The following AIM2 variants were observed in gnomAD, a reference collection of about 807,000 sequenced individuals.
AIM2 encodes absent in melanoma 2.
A neutral mutation model predicts 27.7 loss-of-function variants in AIM2; 30 were observed. The observed-to-expected ratio is 1.08, with a 90% CI of 0.81 to 1.47. The LOEUF is 1.47. Ranked by LOEUF, AIM2 falls within the 40% of genes most tolerant of loss-of-function variation. The pLI is 0.00. For missense variants in AIM2, 358 were observed against 411.3 expected, an observed-to-expected ratio of 0.87 and a Z score of 1.12; for synonymous variants, 141 against 145.3, an observed-to-expected ratio of 0.97 and a Z score of 0.21.
intron 1 of AIM2, among the ~76,000 whole-genome samples, chr1:159,108,796 C>G (rs1570968926): frequency 6.6e-6 from 1 of 152,052 alleles, no homozygotes; most frequent in South Asian, 2.1e-4. Context: ...TTTACAACAG[C>G]TGCAAAATAA....
At chr1:159,071,692 T>C (rs1023557759) in intron 2 of AIM2, among the ~76,000 whole-genome samples, 5 of 152,314 alleles carry the variant, frequency 3.3e-5, no homozygotes, top group African/African-American at 1.2e-4. Flanking sequence ...GTATTTTTAG[T>C]AGAGACAAAG....
intron 1 of AIM2, among the ~76,000 whole-genome samples, chr1:159,127,615 TTGGGATCCTTAA>T (rs377741023): frequency 9.0e-4 from 137 of 152,370 alleles, no homozygotes; most frequent in African/African-American, 3.1e-3. Flanking sequence ...CTATTCCCTG[TTGGGATCCTTAA>T]TGGGATCCCT....
downstream of AIM2, among the ~76,000 whole-genome samples, chr1:159,059,426 T>C (rs1348029175): frequency 4.6e-5 from 7 of 152,174 alleles, no homozygotes; most frequent in African/African-American, 1.7e-4. Context: ...TTCAGAGAGA[T>C]TGAGTGAAGT....
chr1:159,091,864 T>C (rs1657052278), intron 1 of AIM2, among the ~76,000 whole-genome samples: 1 of 152,208 alleles, frequency 6.6e-6, no homozygotes, highest in Admixed American at 6.5e-5. Flanking sequence ...ATAAAAATAT[T>C]CTAGCATGAA....
chr1:159,096,567 A>C (rs1317269179), intron 1 of AIM2, among the ~76,000 whole-genome samples: 1 of 152,056 alleles, frequency 6.6e-6, no homozygotes, highest in Non-Finnish European at 1.5e-5. Flanking sequence ...GCTTTAAGAG[A>C]CAATTTAAAT....
intron 1 of AIM2, among the ~76,000 whole-genome samples, chr1:159,133,725 A>G (rs1647953599): frequency 6.6e-6 from 1 of 152,084 alleles, no homozygotes; most frequent in Non-Finnish European, 1.5e-5. Flanking sequence ...CAGAAATTAT[A>G]ATATTCTGCT....
intron 1 of AIM2, among the ~76,000 whole-genome samples, chr1:159,086,470 C>T (rs1656913939): frequency 6.6e-6 from 1 of 152,246 alleles, no homozygotes; most frequent in South Asian, 2.1e-4. Context: ...ATACACTAGG[C>T]TCCAGGTGAA....
chr1:159,129,629 T>G (rs763555540), intron 1 of AIM2, among the ~76,000 whole-genome samples: 12 of 152,212 alleles, frequency 7.9e-5, no homozygotes, highest in Admixed American at 2.0e-4. Flanking sequence ...AAAGTACCTC[T>G]GTAGGAGAGG....
intron 1 of AIM2, among the ~76,000 whole-genome samples, chr1:159,087,479 A>G (rs1037745650): frequency 6.6e-6 from 1 of 152,112 alleles, no homozygotes; most frequent in African/African-American, 2.4e-5. Context: ...CACCATTTAT[A>G]TTAATCAATT....
intron 1 of AIM2, among the ~76,000 whole-genome samples, chr1:159,114,152 G>A (rs1219328313): frequency 6.6e-6 from 1 of 152,178 alleles, no homozygotes; most frequent in Non-Finnish European, 1.5e-5. Context: ...GTGGACAAGA[G>A]ACTGGGTAAC....
downstream of AIM2, among the ~76,000 whole-genome samples, chr1:159,057,493 GA>G (rs753823711): frequency 6.6e-6 from 1 of 152,180 alleles, no homozygotes; most frequent in Non-Finnish European, 1.5e-5. Flanking sequence ...TCCCAAAGAG[GA>G]AACCTTCGAG....
intron 1 of AIM2, among the ~76,000 whole-genome samples, chr1:159,134,602 C>T (rs1430178766): frequency 1.3e-5 from 2 of 152,104 alleles, no homozygotes; most frequent in Non-Finnish European, 2.9e-5. Context: ...GAGGCGGAGG[C>T]GGGTGGATTA....
chr1:159,108,835 A>G (rs763085442), intron 1 of AIM2, among the ~76,000 whole-genome samples: 13 of 152,194 alleles, frequency 8.5e-5, no homozygotes, highest in Non-Finnish European at 1.3e-4. Flanking sequence ...ATGCCTAACC[A>G]AGGAGGTGAA....
At chr1:159,064,412 C>G (rs890512751) in intron 4 of AIM2, among the ~76,000 whole-genome samples, 2 of 152,116 alleles carry the variant, frequency 1.3e-5, no homozygotes, top group African/African-American at 2.4e-5. Flanking sequence ...GGGCCAGCAG[C>G]CAGATTAGTC....
Position 159,066,262 on chromosome 1 carries a change from G to A in AIM2, c.464C>T (p.Pro155Leu). ...IREGFQKRCL[P>L]VMVLKAKKPF... ...CTTCTTTGCTTTCAGTACCATAACT[G>A]GCAAACAGCGCTTCTGAAACCCTTC... Residue 155 changes from proline to leucine, a missense_variant, in exon 4 of 6, where the codon CCA (proline) becomes CTA (leucine). Transcript: ENST00000368130. 1 of 1,614,120 alleles carries A rather than the reference G, an allele frequency of 6.2e-7. No homozygotes were observed. The highest frequency in any genetic ancestry group is 8.5e-7 in the Non-Finnish European group (1 of 1,180,042).
chr1:159,110,666 C>A (rs1266582510), intron 1 of AIM2, among the ~76,000 whole-genome samples: 5 of 152,150 alleles, frequency 3.3e-5, no homozygotes, highest in Admixed American at 3.3e-4. Context: ...ATAAACTGTG[C>A]TACCCAAAAT....
At chr1:159,116,340 C>T (rs1647350215) in intron 1 of AIM2, among the ~76,000 whole-genome samples, 1 of 152,100 alleles carries the variant, frequency 6.6e-6, no homozygotes, top group African/African-American at 2.4e-5. Flanking sequence ...TGGGTATATG[C>T]CCAAAGGATT....
At chr1:159,124,640 T>TA (rs1647636399) in intron 1 of AIM2, among the ~76,000 whole-genome samples, 1 of 152,246 alleles carries the variant, frequency 6.6e-6, no homozygotes, top group Non-Finnish European at 1.5e-5. Flanking sequence ...TTAGAAGAGT[T>TA]AAAAATCTCC....
rs1355824788 is a variant in AIM2, at chr1:159,124,633, G to C, written c.-16+15798C>G. Among the ~76,000 whole-genome samples, 3 of 152,224 alleles carry C rather than the reference G, an allele frequency of 2.0e-5. No homozygotes were observed. In the East Asian group the frequency reaches 5.8e-4, roughly 29 times the overall value. ...TCTTCATGTGGCATGACGATTATTA[G>C]AAGAGTTAAAAATCTCCTTTTATTT... On this transcript the variant is annotated intron_variant, in intron 1 of 2. Transcript: ENST00000368129.
Sources: allele counts gnomAD v4.1 joint callset (sites outside exome capture counted in the v4.1 genomes callset), GRCh38; gene constraint gnomAD v4.1.1; transcripts MANE v1.5; gene names NCBI Gene and HGNC (gene_info 2026-07-23, HGNC 2026-07-21).